Variants in CSRNP3 observed in about 807,000 individuals in gnomAD.
CSRNP3 encodes the protein cysteine/serine-rich nuclear protein 3.
A neutral mutation model predicts 48.0 loss-of-function variants in CSRNP3; 12 were observed. The ratio of observed to expected loss-of-function variants is 0.25; its 90% confidence interval spans 0.16 to 0.41. The LOEUF is 0.41. Among genes scored for constraint, CSRNP3 ranks in the 10% least tolerant of loss-of-function variants. The pLI is 1.00. For missense variants in CSRNP3, 580 were observed against 724.4 expected (o/e 0.80, Z 2.29); for synonymous variants, 263 against 269.7 (o/e 0.98, Z 0.24).
chr2:165,512,214 T>G (rs898936114), intron 2 of CSRNP3, among the ~76,000 whole-genome samples: 1 of 152,220 alleles, frequency 6.6e-6, no homozygotes, highest in African/African-American at 2.4e-5. Flanking sequence ...ACTTGAAACA[T>G]GTTTTTCAAT....
chr2:165,603,119 T>A (rs2105303279), intron 4 of CSRNP3, among the ~76,000 whole-genome samples: 1 of 152,068 alleles, frequency 6.6e-6, no homozygotes, highest in African/African-American at 2.4e-5. Flanking sequence ...ATGGTCTTGA[T>A]CTCCTGACCT....
rs56055429 is a variant in CSRNP3, at chr2:165,681,764, C to T, written c.*2011C>T. 0.012 allele frequency: 502 copies of T among 42,324 alleles called. 2 individuals carry two copies. Among genetic ancestry groups the T allele is most frequent in the East Asian group, 0.022 (36 of 1,654 alleles). 2.6% of individuals were successfully genotyped at this position (42,324 alleles called of 1,614,324 possible). A position where few individuals can be genotyped will look rare whatever the true frequency, so the allele number is the denominator to read the frequency against. On this transcript the variant is annotated 3_prime_UTR_variant, in exon 7 of 7. Coordinates refer to ENST00000651982, the MANE Select transcript of CSRNP3 (RefSeq NM_001172173.2). ...ATATATATATATATATATATATACA[C>T]ACACACACACACATACACATATATA...
At chr2:165,596,235 A>G (rs529689974) in intron 4 of CSRNP3, among the ~76,000 whole-genome samples, 234 of 151,684 alleles carry the variant, frequency 1.5e-3, no homozygotes, top group Non-Finnish European at 2.5e-3. Context: ...TCTTAAGGTA[A>G]TGTAATCTAT....
intron 3 of CSRNP3, among the ~76,000 whole-genome samples, chr2:165,522,633 T>C (rs1232132486): frequency 6.6e-6 from 1 of 151,958 alleles, no homozygotes; most frequent in Non-Finnish European, 1.5e-5. Flanking sequence ...CATTCACTAA[T>C]GTAATCAGCG....
chr2:165,483,046 A>ATG (rs1290849354), intron 1 of CSRNP3, among the ~76,000 whole-genome samples: 214 of 75,566 alleles, frequency 2.8e-3, no homozygotes, highest in African/African-American at 0.013. Flanking sequence ...GTGTGTATGT[A>ATG]TATATATATG....
At chr2:165,649,192 A>G (rs1686864927) in intron 4 of CSRNP3, among the ~76,000 whole-genome samples, 1 of 152,220 alleles carries the variant, frequency 6.6e-6, no homozygotes, top group Admixed American at 6.5e-5. Context: ...GTATTTGCAC[A>G]TATCTTGATA....
chr2:165,502,903 T>G (rs1267648405), intron 2 of CSRNP3, among the ~76,000 whole-genome samples: 1 of 151,920 alleles, frequency 6.6e-6, no homozygotes, highest in Non-Finnish European at 1.5e-5. Context: ...TGTAGGAAGC[T>G]AATTATTTAT....
rs574612418 is a variant in CSRNP3 at position 165,540,742 on chromosome 2, T to C, written c.-24+22781T>C. 4.6e-5 allele frequency among the ~76,000 whole-genome samples: 7 copies of C among 152,208 alleles called. No individual in the cohort carries two copies. The East Asian group carries it at 1.4e-3, about 29-fold the overall frequency. ...TTCTGAATTACCAGTTTAGTCTAAA[T>C]TTCTAAAGCCTGAACTCTGGGTTCT... is the stretch of plus-strand genomic sequence containing the variant. On this transcript the variant is annotated intron_variant, in intron 3 of 6. Coordinates refer to ENST00000651982, the MANE Select transcript of CSRNP3 (RefSeq NM_001172173.2).
At chr2:165,478,769 C>T (rs1684002178) in intron 1 of CSRNP3, among the ~76,000 whole-genome samples, 1 of 152,152 alleles carries the variant, frequency 6.6e-6, no homozygotes, top group African/African-American at 2.4e-5. Context: ...TTAATTCCAG[C>T]TCAGTTACTT....
chr2:165,604,246 C>G (rs1050082443), intron 4 of CSRNP3, among the ~76,000 whole-genome samples: 2 of 152,154 alleles, frequency 1.3e-5, no homozygotes, highest in Non-Finnish European at 2.9e-5. Flanking sequence ...ATTATTTATG[C>G]ACACATCTTA....
At chr2:165,667,410 A>G (rs1350805923) in intron 5 of CSRNP3, among the ~76,000 whole-genome samples, 2 of 152,050 alleles carry the variant, frequency 1.3e-5, no homozygotes, top group Non-Finnish European at 2.9e-5. Context: ...CTTTTTAAGT[A>G]TTTTTTTCTA....
intron 4 of CSRNP3, among the ~76,000 whole-genome samples, chr2:165,605,166 T>C (rs748365383): frequency 2.0e-5 from 3 of 152,186 alleles, no homozygotes; most frequent in Non-Finnish European, 2.9e-5. Flanking sequence ...TCACTTTCAA[T>C]TGAACTCATT....
intron 3 of CSRNP3, among the ~76,000 whole-genome samples, chr2:165,585,176 A>T (rs906796559): frequency 2.0e-5 from 3 of 151,290 alleles, no homozygotes; most frequent in African/African-American, 7.3e-5. Flanking sequence ...AACTAAAGCT[A>T]TTTCTCAAAA....
rs142197637 is a variant in CSRNP3 at position 165,543,951 on chromosome 2, G to A, written c.-24+25990G>A. 1.5e-3 allele frequency among the ~76,000 whole-genome samples: 231 copies of A among 151,862 alleles called. 1 individual carries two copies. Among genetic ancestry groups the A allele is most frequent in the African/African-American group, 5.4e-3 (224 of 41,442 alleles). ...TCCAGTATCTTAACTTTCTAGTGACGAGAGATAGACAAGGTTAATGAAATA... is the reference window on the plus strand; with the variant it reads ...TCCAGTATCTTAACTTTCTAGTGACAAGAGATAGACAAGGTTAATGAAATA... On this transcript the variant is annotated intron_variant, in intron 3 of 6. Transcript: ENST00000651982.
intron 4 of CSRNP3, among the ~76,000 whole-genome samples, chr2:165,615,411 C>T (rs906794835): frequency 8.6e-5 from 13 of 151,722 alleles, no homozygotes; most frequent in Non-Finnish European, 1.8e-4. Flanking sequence ...GGTGTGGTGG[C>T]GGGTGCTTGT....
At chr2:165,586,891 T>C (rs750564816) in intron 3 of CSRNP3, among the ~76,000 whole-genome samples, 1 of 152,238 alleles carries the variant, frequency 6.6e-6, no homozygotes, top group Non-Finnish European at 1.5e-5. Flanking sequence ...TCCTCTTGAT[T>C]TGACATTTTT....
In CSRNP3 at chr2:165,585,337, G is replaced by C. The variant is rs569601698; in HGVS notation, c.-23-9706G>C. On this transcript the variant is annotated intron_variant, in intron 3 of 6. Coordinates refer to ENST00000651982, the MANE Select transcript of CSRNP3 (RefSeq NM_001172173.2). ...CAGTAGACCATCTGGTTGATAATTT[G>C]ACGTTGTGAATATTTTTACTTTTGC... is the stretch of plus-strand genomic sequence containing the variant. Among the ~76,000 whole-genome samples, 38 of 151,394 alleles carry C rather than the reference G, an allele frequency of 2.5e-4. No homozygotes were observed. The South Asian group carries it at 6.1e-3, about 24-fold the overall frequency.
intron 5 of CSRNP3, among the ~76,000 whole-genome samples, chr2:165,667,387 G>A (rs1298459180): frequency 6.6e-6 from 1 of 152,122 alleles, no homozygotes; most frequent in East Asian, 1.9e-4. Context: ...TTTGTCACAT[G>A]TACAGAGACC....
chr2:165,532,410 C>A (rs1684825797), intron 3 of CSRNP3, among the ~76,000 whole-genome samples: 1 of 152,000 alleles, frequency 6.6e-6, no homozygotes, highest in Non-Finnish European at 1.5e-5. Context: ...TCAACATATG[C>A]AAATCAATAA....
Sources: allele counts gnomAD v4.1 joint callset (sites outside exome capture counted in the v4.1 genomes callset), GRCh38; gene constraint gnomAD v4.1.1; transcripts MANE v1.5; gene names NCBI Gene and HGNC (gene_info 2026-07-23, HGNC 2026-07-21).